The following SCHIP1 variants were observed in gnomAD, a reference collection of about 807,000 sequenced individuals.
SCHIP1 encodes schwannomin-interacting protein 1.
SCHIP1 carries 8 observed loss-of-function variants against 29.7 expected under a neutral mutation model. The observed-to-expected ratio is 0.27, with a 90% CI of 0.16 to 0.49. The LOEUF is 0.49. Among genes scored for constraint, SCHIP1 ranks in the 20% least tolerant of loss-of-function variants. The pLI is 0.99. For synonymous variants in SCHIP1, 76 were observed against 94.9 expected, an observed-to-expected ratio of 0.80 and a Z score of 1.16; for missense variants, 193 against 294.6, an observed-to-expected ratio of 0.66 and a Z score of 2.52.
the SCHIP1 span, among the ~76,000 whole-genome samples, chr3:159,353,644 G>A: frequency 6.6e-6 from 1 of 152,010 alleles, no homozygotes; most frequent in African/African-American, 2.4e-5. Context: ...TGACTCTTTA[G>A]GTCTAATATA....
At chr3:159,562,898 GCCAAAAT>G in the SCHIP1 span, among the ~76,000 whole-genome samples, 2 of 152,002 alleles carry the variant, frequency 1.3e-5, no homozygotes, top group East Asian at 3.9e-4. Flanking sequence ...CTAAATTGTG[GCCAAAAT>G]CCTTTGCTCT....
chr3:159,359,194 G>A, the SCHIP1 span, among the ~76,000 whole-genome samples: 1 of 152,036 alleles, frequency 6.6e-6, no homozygotes, highest in Non-Finnish European at 1.5e-5. Context: ...CCAAAGTGCT[G>A]GGATTACAGG....
At chr3:159,511,662 C>T in the SCHIP1 span, among the ~76,000 whole-genome samples, 1 of 152,146 alleles carries the variant, frequency 6.6e-6, no homozygotes, top group African/African-American at 2.4e-5. Context: ...CAAGGATAGA[C>T]AGATCAACTG....
At chr3:159,733,649 T>C in the SCHIP1 span, among the ~76,000 whole-genome samples, 1 of 152,228 alleles carries the variant, frequency 6.6e-6, no homozygotes, top group African/African-American at 2.4e-5. Flanking sequence ...CTTTTAAAAA[T>C]ATTCATTCAT....
At chr3:159,625,508 T>C in the SCHIP1 span, among the ~76,000 whole-genome samples, 3 of 152,194 alleles carry the variant, frequency 2.0e-5, no homozygotes, top group Admixed American at 6.5e-5. Flanking sequence ...AATATTAAAA[T>C]GATTAAAATA....
chr3:159,498,651 C>A, the SCHIP1 span, among the ~76,000 whole-genome samples: 1 of 151,658 alleles, frequency 6.6e-6, no homozygotes, highest in East Asian at 1.9e-4. Flanking sequence ...TTCCTCAAGA[C>A]TAAGTCACAC....
At chr3:159,676,696 C>T in the SCHIP1 span, among the ~76,000 whole-genome samples, 1 of 152,124 alleles carries the variant, frequency 6.6e-6, no homozygotes, top group Non-Finnish European at 1.5e-5. Context: ...CAGACTGCTG[C>T]CCCTGCCAGC....
the SCHIP1 span, among the ~76,000 whole-genome samples, chr3:159,520,974 C>G: frequency 1.3e-5 from 2 of 152,134 alleles, no homozygotes; most frequent in African/African-American, 4.8e-5. Flanking sequence ...TGTGATGTAA[C>G]GTCTGTAATT....
chr3:159,345,145 T>G, the SCHIP1 span, among the ~76,000 whole-genome samples: 65 of 149,526 alleles, frequency 4.3e-4, no homozygotes, highest in East Asian at 0.012. Context: ...GAGAATTGCT[T>G]GAACTCGGGA....
the SCHIP1 span, among the ~76,000 whole-genome samples, chr3:159,311,407 A>G: frequency 6.6e-6 from 1 of 152,122 alleles, no homozygotes; most frequent in Admixed American, 6.6e-5. Flanking sequence ...ATACAAACTT[A>G]AATTTCTAGC....
chr3:159,431,886 C>T, the SCHIP1 span, among the ~76,000 whole-genome samples: 13,466 of 151,452 alleles, frequency 0.089, 793 homozygotes, highest in Non-Finnish European at 0.12. Context: ...TTGGGCATTA[C>T]TATTGCTGAT....
At chr3:159,795,768 ACGT>A in the SCHIP1 span, among the ~76,000 whole-genome samples, 1 of 152,196 alleles carries the variant, frequency 6.6e-6, no homozygotes, top group South Asian at 2.1e-4. Context: ...AGAGGGAACA[ACGT>A]GTGTAAAATT....
the SCHIP1 span, among the ~76,000 whole-genome samples, chr3:159,834,382 T>C: frequency 6.6e-6 from 1 of 152,194 alleles, no homozygotes; most frequent in African/African-American, 2.4e-5. Context: ...AAACAAAATA[T>C]TCGGAGGCAT....
At chr3:159,650,593 A>G in the SCHIP1 span, among the ~76,000 whole-genome samples, 1 of 152,266 alleles carries the variant, frequency 6.6e-6, no homozygotes, top group Non-Finnish European at 1.5e-5. Flanking sequence ...ATGAAGTCCA[A>G]TTCTGAGAAA....
the SCHIP1 span, among the ~76,000 whole-genome samples, chr3:159,507,067 AT>A: frequency 6.6e-6 from 1 of 152,122 alleles, no homozygotes; most frequent in African/African-American, 2.4e-5. Context: ...CAGTGTGGCC[AT>A]TTTCACGATA....
At chr3:159,346,194 AAAAAAAG>A in the SCHIP1 span, among the ~76,000 whole-genome samples, 47 of 151,654 alleles carry the variant, frequency 3.1e-4, no homozygotes, top group African/African-American at 1.0e-3. Flanking sequence ...TCTCAGAAAA[AAAAAAAG>A]AAAAAAGAAA....
At chr3:159,426,462 C>A in the SCHIP1 span, among the ~76,000 whole-genome samples, 9 of 152,288 alleles carry the variant, frequency 5.9e-5, no homozygotes, top group African/African-American at 2.2e-4. Context: ...TCAACACATA[C>A]ACTCTCCCAA....
chr3:159,339,987 G>C, the SCHIP1 span, among the ~76,000 whole-genome samples: 4 of 151,930 alleles, frequency 2.6e-5, no homozygotes, highest in South Asian at 8.3e-4. Context: ...AGAATTATTA[G>C]AATAATTCTA....
chr3:159,653,704 T>C, the SCHIP1 span, among the ~76,000 whole-genome samples: 1 of 148,198 alleles, frequency 6.7e-6, no homozygotes, highest in South Asian at 2.1e-4. Context: ...TGTATACCTA[T>C]GTAACAAACC....
Sources: gnomAD v4.1 joint callset for allele counts (sites outside exome capture counted in the v4.1 genomes callset) on GRCh38, gnomAD v4.1.1 for gene constraint, MANE v1.5 for transcripts, NCBI Gene and HGNC (gene_info 2026-07-23, HGNC 2026-07-21) for gene names.